Variants in TOM1L2 observed in about 807,000 individuals in gnomAD.
TOM1L2 encodes target of myb1 like 2 membrane trafficking protein.
Under a neutral mutation model 67.9 loss-of-function variants are expected in TOM1L2, and 31 were observed. The observed-to-expected ratio is 0.46, with a 90% CI of 0.34 to 0.62. The LOEUF (loss-of-function observed/expected upper bound fraction) is 0.62, where lower values mean the gene tolerates loss of function less well. Ranked by LOEUF, TOM1L2 falls within the 20% of genes least tolerant of loss-of-function variation. TOM1L2 has a pLI of 0.01. For missense variants in TOM1L2, 606 were observed against 663.5 expected, an observed-to-expected ratio of 0.91 and a Z score of 0.95; for synonymous variants, 256 against 254.0, an observed-to-expected ratio of 1.01 and a Z score of -0.07.
At chr17:17,953,869 T>TG (rs1186283531) in intron 1 of TOM1L2, among the ~76,000 whole-genome samples, 1 of 152,246 alleles carries the variant, frequency 6.6e-6, no homozygotes, top group African/African-American at 2.4e-5. Context: ...AGGTGCTCTA[T>TG]GCATGTTCAT....
intron 10 of TOM1L2, among the ~76,000 whole-genome samples, chr17:17,865,213 G>C (rs893771275): frequency 6.6e-6 from 1 of 152,166 alleles, no homozygotes; most frequent in Non-Finnish European, 1.5e-5. Flanking sequence ...AAAGTTCAAG[G>C]AGAGCAAATA....
chr17:17,935,320 T>C (rs1260455852), intron 1 of TOM1L2, among the ~76,000 whole-genome samples: 1 of 152,262 alleles, frequency 6.6e-6, no homozygotes, highest in East Asian at 1.9e-4. Flanking sequence ...CAAATGCTTA[T>C]AATCTGTTGG....
intron 12 of TOM1L2, among the ~76,000 whole-genome samples, chr17:17,856,306 C>A (rs1272289284): frequency 6.6e-6 from 1 of 152,396 alleles, no homozygotes; most frequent in Middle Eastern, 3.4e-3. Flanking sequence ...CCTGGGCCAG[C>A]ACATCTCTCT....
chr17:17,935,004 A>G (rs541362021), intron 1 of TOM1L2, among the ~76,000 whole-genome samples: 14 of 152,374 alleles, frequency 9.2e-5, no homozygotes, highest in Non-Finnish European at 1.9e-4. Flanking sequence ...TCAGGGCACC[A>G]TGTGCACTGC....
At chr17:17,930,453 T>G (rs2040283633) in intron 1 of TOM1L2, among the ~76,000 whole-genome samples, 1 of 152,168 alleles carries the variant, frequency 6.6e-6, no homozygotes, top group South Asian at 2.1e-4. Context: ...GACAGACACC[T>G]GGCAGGCCCC....
Position 17,844,947 on chromosome 17 carries a change from G to C in TOM1L2, c.*2688C>G, listed in dbSNP as rs565990770. ...GTATCTGTGATTTCTAACACTCACG[G>C]AGAGGCTGGTGGGCCTTGAGAGTCC... On this transcript the variant is annotated 3_prime_UTR_variant, in exon 15 of 15. Transcript: ENST00000379504. The C allele has an allele frequency of 5.2e-5, 8 of 152,576 alleles. No homozygotes were observed. Among genetic ancestry groups the C allele is most frequent in the African/African-American group, 1.9e-4 (8 of 41,572 alleles). The allele number at this position is 152,576 out of a possible 1,614,324, so 9.5% of individuals were successfully genotyped here. A position where few individuals can be genotyped will look rare whatever the true frequency, so the allele number is the denominator to read the frequency against.
chr17:17,940,964 G>C lies in TOM1L2; in HGVS notation c.52+31298C>G, dbSNP rs994138396. 2.0e-5 allele frequency among the ~76,000 whole-genome samples: 3 copies of C among 152,172 alleles called. No homozygotes were observed. In the South Asian group the frequency reaches 6.2e-4, roughly 32 times the overall value. On this transcript the variant is annotated intron_variant, in intron 1 of 14. Transcript: ENST00000379504. ...TCTATGATGCTTGCAAATCATACTT[G>C]TAAGATTTGTACCATTGGGATTCTC...
chr17:17,941,622 GAGTGGAAC>G (rs1419178830), intron 1 of TOM1L2, among the ~76,000 whole-genome samples: 1 of 152,120 alleles, frequency 6.6e-6, no homozygotes, highest in Admixed American at 6.6e-5. Context: ...CCTAAAGGCA[GAGTGGAAC>G]AATGGAACCA....
At chr17:17,887,668 G>T (rs1202515748) in intron 4 of TOM1L2, among the ~76,000 whole-genome samples, 1 of 152,080 alleles carries the variant, frequency 6.6e-6, no homozygotes, top group African/African-American at 2.4e-5. Context: ...TAGAAATGGG[G>T]TTTCATCATG....
At chr17:17,906,965 G>C (rs759769484) in intron 2 of TOM1L2, among the ~76,000 whole-genome samples, 2 of 152,186 alleles carry the variant, frequency 1.3e-5, no homozygotes, top group African/African-American at 4.8e-5. Flanking sequence ...AATGCAGGAG[G>C]GGCAACGTGT....
intron 1 of TOM1L2, among the ~76,000 whole-genome samples, chr17:17,955,623 G>A (rs748142911): frequency 4.6e-5 from 7 of 152,162 alleles, no homozygotes; most frequent in African/African-American, 9.7e-5. Context: ...ACAGGCATAA[G>A]CCACTGCGCC....
At chr17:17,950,179 T>A (rs1414833082) in intron 1 of TOM1L2, among the ~76,000 whole-genome samples, 2 of 150,232 alleles carry the variant, frequency 1.3e-5, no homozygotes, top group Non-Finnish European at 3.0e-5. Context: ...TTTTTTGAGA[T>A]GGCGTATCAC....
In TOM1L2 at chr17:17,864,981, A is replaced by C. The variant is rs530096090; in HGVS notation, c.1084+1315T>G. 5.9e-5 allele frequency among the ~76,000 whole-genome samples: 9 copies of C among 152,338 alleles called. No homozygotes were observed. In the South Asian group the frequency reaches 1.9e-3, roughly 32 times the overall value. ...AATGAAAGGAAAGTAGACGAGAAATATTTTTTAAAAAGGAAAACAGAAAAG... is the reference window on the plus strand; with the variant it reads ...AATGAAAGGAAAGTAGACGAGAAATCTTTTTTAAAAAGGAAAACAGAAAAG... On this transcript the variant is annotated intron_variant, in intron 10 of 14. Transcript: ENST00000379504.
At chr17:17,862,205 A>G (rs1258128438) in intron 11 of TOM1L2, 1 of 153,494 alleles carries the variant, frequency 6.5e-6, no homozygotes, top group Non-Finnish European at 1.4e-5. Context: ...AGCTCAAAAC[A>G]TGTACAGTGC....
At chr17:17,880,298 C>T (rs550501452) in intron 6 of TOM1L2, among the ~76,000 whole-genome samples, 18 of 152,270 alleles carry the variant, frequency 1.2e-4, no homozygotes, top group Admixed American at 3.3e-4. Flanking sequence ...CAGGGGAAGA[C>T]GACAGGGGAG....
chr17:17,866,831 T>A (rs1488357692), intron 9 of TOM1L2, 45 bp downstream of exon 9: 1 of 1,571,926 alleles, frequency 6.4e-7, no homozygotes, highest in Admixed American at 1.7e-5. Context: ...CGTGGAGGGG[T>A]AGGTCTGGCC....
chr17:17,963,037 C>A (rs184971919), intron 1 of TOM1L2, among the ~76,000 whole-genome samples: 8 of 151,544 alleles, frequency 5.3e-5, no homozygotes, highest in Admixed American at 5.2e-4. Context: ...GAAACAGGTG[C>A]CCTCATGGAA....
At chr17:17,955,443 A>G (rs1227826243) in intron 1 of TOM1L2, among the ~76,000 whole-genome samples, 1 of 147,806 alleles carries the variant, frequency 6.8e-6, no homozygotes, top group African/African-American at 2.5e-5. Flanking sequence ...GGTTCAAGCG[A>G]TTCTCCAGCC....
chr17:17,889,963 G>T (rs998908393), intron 4 of TOM1L2, among the ~76,000 whole-genome samples: 1 of 152,046 alleles, frequency 6.6e-6, no homozygotes, highest in Non-Finnish European at 1.5e-5. Flanking sequence ...CAGCCTAGCC[G>T]CATTGATATG....
Sources: allele counts gnomAD v4.1 joint callset (sites outside exome capture counted in the v4.1 genomes callset), GRCh38; gene constraint gnomAD v4.1.1; transcripts MANE v1.5; gene names NCBI Gene and HGNC (gene_info 2026-07-23, HGNC 2026-07-21).